FZD6: variants seen among roughly 807,000 people sequenced by gnomAD.
FZD6 encodes the protein frizzled class receptor 6, also known as frizzled-6.
In FZD6, 49 loss-of-function variants were observed where a neutral mutation model predicts 61.4. That is an observed-to-expected ratio of 0.80 (90% CI 0.63 to 1.01). FZD6 has a LOEUF of 1.01. Among genes scored for constraint, FZD6 ranks in the 50% least tolerant of loss-of-function variants. FZD6 has a pLI of 0.00. For synonymous variants in FZD6, 265 were observed against 292.2 expected (o/e 0.91, Z 0.95); for missense variants, 724 against 848.2 (o/e 0.85, Z 1.82).
intron 2 of FZD6, among the ~76,000 whole-genome samples, chr8:103,310,798 C>A (rs827536): frequency 0.5 from 76,593 of 152,036 alleles, 19,920 homozygotes; most frequent in African/African-American, 0.62. Context: ...TAAAACCAAG[C>A]TAAGTGGTTA....
intron 2 of FZD6, among the ~76,000 whole-genome samples, chr8:103,307,284 GTTCCT>G (rs2130277675): frequency 7.3e-6 from 1 of 137,218 alleles, no homozygotes; most frequent in Admixed American, 7.9e-5. Flanking sequence ...CCATATTATG[GTTCCT>G]TTCATTATCA....
Position 103,331,024 on chromosome 8 carries a change from A to C in FZD6, c.1953-317A>C, listed in dbSNP as rs546797162. ...AACCCCATCTCTACTGAAAATACAAAAAATTAGCCGGGTGTGGTGGCACCC... is the reference window on the plus strand; with the variant it reads ...AACCCCATCTCTACTGAAAATACAACAAATTAGCCGGGTGTGGTGGCACCC... On this transcript the variant is annotated intron_variant, in intron 6 of 6. Coordinates refer to ENST00000358755, the MANE Select transcript of FZD6 (RefSeq NM_003506.4). 2.0e-3 allele frequency among the ~76,000 whole-genome samples: 311 copies of C among 152,254 alleles called. 2 individuals carry two copies. The highest frequency in any genetic ancestry group is 7.3e-3 in the African/African-American group (302 of 41,546).
rs1015251234 is a variant in FZD6, at chr8:103,326,121, G to A, written c.1392+623G>A. On this transcript the variant is annotated intron_variant, in intron 4 of 6. Coordinates refer to ENST00000358755, the MANE Select transcript of FZD6 (RefSeq NM_003506.4). ...CATTTTAGTTGAAGTTTTGTAAATA[G>A]AAATTTGGTTTTGTTTTAGTAGATT... 3.3e-5 allele frequency among the ~76,000 whole-genome samples: 5 copies of A among 152,102 alleles called. No homozygotes were observed. In the East Asian group the frequency reaches 9.6e-4, roughly 29 times the overall value.
At chr8:103,320,483 G>A (rs1586519240) in intron 3 of FZD6, among the ~76,000 whole-genome samples, 1 of 152,102 alleles carries the variant, frequency 6.6e-6, no homozygotes. Flanking sequence ...AATGAGAAGG[G>A]TGTTACTGAA....
intron 3 of FZD6, among the ~76,000 whole-genome samples, chr8:103,321,499 C>A (rs1228135522): frequency 1.3e-5 from 2 of 152,158 alleles, no homozygotes; most frequent in African/African-American, 4.8e-5. Context: ...GATTAAAACA[C>A]AAAATCTAGC....
intron 4 of FZD6, among the ~76,000 whole-genome samples, chr8:103,326,079 T>G (rs1190060223): frequency 3.3e-5 from 5 of 152,168 alleles, no homozygotes; most frequent in Admixed American, 2.0e-4. Flanking sequence ...TTTCTGAAAA[T>G]ATAAAATTTC....
In FZD6 at chr8:103,313,727, C is replaced by G. The variant is rs1252681540; in HGVS notation, c.178-4863C>G. Among the ~76,000 whole-genome samples, 5 of 151,368 alleles carry G rather than the reference C, an allele frequency of 3.3e-5. No homozygotes were observed. The South Asian group carries it at 8.4e-4, about 25-fold the overall frequency. On this transcript the variant is annotated intron_variant, in intron 2 of 6. Transcript: ENST00000358755. ...TGCAACTGAACTTGGAAGTTGGTAG[C>G]CCACACTGGATCTGACCTGAGACTT...
rs1230765661 is a variant in FZD6 at position 103,300,058 on chromosome 8, C to G, written c.-50C>G. ...TTTGGATGGGGATCTTCTGAGGATGCAAAGAGTGATTCATCCAAGCCATGT... is the reference window on the plus strand; with the variant it reads ...TTTGGATGGGGATCTTCTGAGGATGGAAAGAGTGATTCATCCAAGCCATGT... On this transcript the variant is annotated 5_prime_UTR_variant, in exon 2 of 7. Coordinates refer to ENST00000358755, the MANE Select transcript of FZD6 (RefSeq NM_003506.4). 1 of 1,062,392 alleles carries G rather than the reference C, an allele frequency of 9.4e-7. No individual in the cohort carries two copies. Among genetic ancestry groups the G allele is most frequent in the African/African-American group, 1.5e-5 (1 of 64,958 alleles). The allele number at this position is 1,062,392 out of a possible 1,614,324, so 65.8% of individuals were successfully genotyped here.
At chr8:103,318,286 A>C (rs926817959) in intron 2 of FZD6, among the ~76,000 whole-genome samples, 9 of 152,208 alleles carry the variant, frequency 5.9e-5, no homozygotes, top group African/African-American at 2.2e-4. Flanking sequence ...CACTGTGTCG[A>C]TTGCTGTTAA....
chr8:103,314,537 A>G (rs1156460076), intron 2 of FZD6, among the ~76,000 whole-genome samples: 1 of 152,106 alleles, frequency 6.6e-6, no homozygotes, highest in African/African-American at 2.4e-5. Context: ...TGAGGTGACA[A>G]AGGATCCAAT....
chr8:103,329,013 T>TTTTATATATATATATA lies in FZD6; in HGVS notation c.1541+598_1541+599insTTATATATATATATAT, dbSNP rs143400765. Among the ~76,000 whole-genome samples, 80 of 115,176 alleles carry TTTTATATATATATATA rather than the reference T, an allele frequency of 6.9e-4. 3 individuals are homozygous for TTTTATATATATATATA. The highest frequency in any genetic ancestry group is 0.012 in the Middle Eastern group (2 of 166). 75.6% of individuals were successfully genotyped at this position (115,176 alleles called of 152,430 possible). A position where few individuals can be genotyped will look rare whatever the true frequency, so the allele number is the denominator to read the frequency against. ...TATTTATGAGTAATTCATTTTAGTT[T>TTTTATATATATATATA]TATATATATATATATATATGCACAC... On this transcript the variant is annotated intron_variant, in intron 5 of 6. Transcript: ENST00000358755.
chr8:103,329,242 C>T (rs548902307), intron 5 of FZD6, among the ~76,000 whole-genome samples: 7 of 150,984 alleles, frequency 4.6e-5, no homozygotes, highest in African/African-American at 9.7e-5. Flanking sequence ...TAATTTTTAA[C>T]GTTAGAAAGA....
chr8:103,320,926 C>T (rs1814769351), intron 3 of FZD6, among the ~76,000 whole-genome samples: 1 of 152,128 alleles, frequency 6.6e-6, no homozygotes, highest in Non-Finnish European at 1.5e-5. Flanking sequence ...CAGGACTGTT[C>T]TAGGCACTAG....
rs1287392567 is a variant in FZD6 at position 103,318,656 on chromosome 8, G to C, written c.244G>C (p.Val82Leu). Residue 82 changes from valine to leucine, a missense_variant, in exon 3 of 7, where the codon GTA becomes CTA. Coordinates refer to ENST00000358755, the MANE Select transcript of FZD6 (RefSeq NM_003506.4). ...TGAAACTTTCCTCTGCAAAGCATTT[G>C]TACCAACCTGCATAGAACAAATTCA... ...NIETFLCKAF[V>L]PTCIEQIHVV... is the part of the protein sequence containing the mutation. 1.2e-6 allele frequency: 2 copies of C among 1,610,428 alleles called. No homozygotes were observed. The highest frequency in any genetic ancestry group is 1.7e-6 in the Non-Finnish European group (2 of 1,176,784).
chr8:103,315,721 T>C (rs995401011), intron 2 of FZD6, among the ~76,000 whole-genome samples: 2 of 152,184 alleles, frequency 1.3e-5, no homozygotes, highest in African/African-American at 4.8e-5. Flanking sequence ...TCAAAACTTA[T>C]CAAATTGTAC....
At chr8:103,313,760 CTGTGTGTGTGTGTGTGTGTGTG>C (rs58157848) in intron 2 of FZD6, among the ~76,000 whole-genome samples, 6 of 142,736 alleles carry the variant, frequency 4.2e-5, no homozygotes, top group South Asian at 2.3e-4. Flanking sequence ...CTTGATTTTT[CTGTGTGTGTGTGTGTGTGTGTG>C]TGTGTGTGTG....
At chr8:103,308,074 A>T (rs1395344245) in intron 2 of FZD6, among the ~76,000 whole-genome samples, 1 of 152,146 alleles carries the variant, frequency 6.6e-6, no homozygotes, top group Non-Finnish European at 1.5e-5. Flanking sequence ...TAGCCAGATC[A>T]CCCCAAGAAG....
chr8:103,303,647 C>T (rs1221302254), intron 2 of FZD6, among the ~76,000 whole-genome samples: 1 of 152,120 alleles, frequency 6.6e-6, no homozygotes, highest in Non-Finnish European at 1.5e-5. Context: ...ATTTTCCCTC[C>T]AAATCTTTAC....
intron 2 of FZD6, among the ~76,000 whole-genome samples, chr8:103,301,374 C>G (rs994039777): frequency 7.2e-5 from 11 of 152,014 alleles, no homozygotes; most frequent in Non-Finnish European, 1.3e-4. Context: ...CTGAGACTTT[C>G]ATGAATCAGA....
Sources: gnomAD v4.1 joint callset for allele counts (sites outside exome capture counted in the v4.1 genomes callset) on GRCh38, gnomAD v4.1.1 for gene constraint, MANE v1.5 for transcripts, NCBI Gene and HGNC (gene_info 2026-07-23, HGNC 2026-07-21) for gene names.